GALNT2: variants seen among roughly 807,000 people sequenced by gnomAD.
GALNT2 encodes UDP-GalNAc:polypeptide N-acetylgalactosaminyltransferase 2.
Under a neutral mutation model 81.4 loss-of-function variants are expected in GALNT2, and 31 were observed. The observed-to-expected ratio is 0.38, with a 90% confidence interval of 0.29 to 0.51. The LOEUF (loss-of-function observed/expected upper bound fraction) is 0.51, where lower values mean the gene tolerates loss of function less well. GALNT2 is among the 20% of genes least tolerant of loss of function. The pLI is 0.87. For missense variants in GALNT2, 629 were observed against 765.7 expected, an observed-to-expected ratio of 0.82 and a Z score of 2.11; for synonymous variants, 303 against 287.4, an observed-to-expected ratio of 1.05 and a Z score of -0.55.
intron 1 of GALNT2, among the ~76,000 whole-genome samples, chr1:230,086,191 G>A (rs192345736): frequency 2.7e-4 from 41 of 152,316 alleles, no homozygotes; most frequent in African/African-American, 9.9e-4. Flanking sequence ...TGGCGAGTTT[G>A]TAGGTAGAGA....
intron 1 of GALNT2, among the ~76,000 whole-genome samples, chr1:230,062,157 G>A (rs1417396968): frequency 6.6e-6 from 1 of 152,140 alleles, no homozygotes; most frequent in Non-Finnish European, 1.5e-5. Context: ...TCTATTAAGA[G>A]CAAAGTTTAA....
chr1:230,174,421 C>G (rs1193774662), intron 1 of GALNT2, among the ~76,000 whole-genome samples: 1 of 152,190 alleles, frequency 6.6e-6, no homozygotes, highest in East Asian at 1.9e-4. Flanking sequence ...CATCTGTTTG[C>G]AGATGCCTCC....
chr1:230,140,840 A>AT (rs1461901166), intron 1 of GALNT2, among the ~76,000 whole-genome samples: 1 of 152,250 alleles, frequency 6.6e-6, no homozygotes, highest in Non-Finnish European at 1.5e-5. Context: ...AGTATATGCC[A>AT]TTATACAACC....
chr1:230,151,115 G>T (rs1662082273), intron 1 of GALNT2, among the ~76,000 whole-genome samples: 1 of 152,194 alleles, frequency 6.6e-6, no homozygotes. Context: ...ATCTTGTGTG[G>T]TGTCCTGGGT....
chr1:230,089,039 T>TA (rs1659980485), intron 1 of GALNT2, among the ~76,000 whole-genome samples: 1 of 152,308 alleles, frequency 6.6e-6, no homozygotes, highest in African/African-American at 2.4e-5. Context: ...CCACTTGCCA[T>TA]AGTTTTTGAG....
At chr1:230,108,712 T>C (rs1367895462) in intron 1 of GALNT2, among the ~76,000 whole-genome samples, 1 of 152,232 alleles carries the variant, frequency 6.6e-6, no homozygotes, top group Non-Finnish European at 1.5e-5. Flanking sequence ...TAGCCTGCAA[T>C]TGGGCAAGTC....
At chr1:230,123,223 A>G (rs1661074277) in intron 1 of GALNT2, among the ~76,000 whole-genome samples, 1 of 152,206 alleles carries the variant, frequency 6.6e-6, no homozygotes, top group Admixed American at 6.5e-5. Flanking sequence ...ACCAAGAACA[A>G]AATTTCCAAG....
intron 1 of GALNT2, among the ~76,000 whole-genome samples, chr1:230,091,075 C>T (rs546775916): frequency 6.6e-6 from 1 of 151,534 alleles, no homozygotes; most frequent in East Asian, 1.9e-4. Context: ...TTGTTTCTTT[C>T]TTTCTTTTTT....
intron 1 of GALNT2, among the ~76,000 whole-genome samples, chr1:230,168,709 AG>A (rs1315654366): frequency 1.3e-5 from 2 of 152,160 alleles, no homozygotes; most frequent in Non-Finnish European, 2.9e-5. Flanking sequence ...TTTCTAGAAC[AG>A]TTTTAGACTT....
At position 230,262,661 on chromosome 1, in the gene GALNT2, G is replaced by A; in HGVS notation, c.1225G>A (p.Gly409Arg). 6.2e-7 allele frequency: 1 copy of A among 1,611,276 alleles called. No homozygotes were observed. The highest frequency in any genetic ancestry group is 8.5e-7 in the Non-Finnish European group (1 of 1,177,552). The change falls in exon 12 of 16, where the codon GGA (glycine) becomes AGA (arginine). Residue 409 changes from glycine (G) to arginine (R), a missense_variant. Around this residue, in one of 3 missense-constraint regions of GALNT2, gnomAD observed 207 missense variants for 225.5 expected, o/e 0.92. Transcript: ENST00000366672. ...AVPSARNVPY[G>R]NIQSRLELRK... ...GCCTTCTGCTAGAAACGTTCCTTAT[G>A]GAAAGTAAGTGGCAGTTCTGCCTTC...
At chr1:230,203,381 T>C (rs1663967928) in intron 3 of GALNT2, 91 bp downstream of exon 3, 10 of 1,414,052 alleles carry the variant, frequency 7.1e-6, no homozygotes, top group South Asian at 1.3e-5. Flanking sequence ...AACTTCTCCA[T>C]TACTCTGGGA....
chr1:230,185,351 TG>T lies in GALNT2; in HGVS notation c.220+7041del, dbSNP rs561067353. ...CCTCTTAGTGTGCCTTGTAATTTTA[TG>T]TTGAAAGCTGGATGTGATGGACTTG... On this transcript the variant is annotated intron_variant, in intron 2 of 15. Coordinates refer to ENST00000366672, the MANE Select transcript of GALNT2 (RefSeq NM_004481.5). 4.3e-3 allele frequency among the ~76,000 whole-genome samples: 653 copies of T among 152,034 alleles called. 2 individuals are homozygous for T. Among genetic ancestry groups the T allele is most frequent in the Non-Finnish European group, 6.7e-3 (453 of 67,974 alleles).
At chr1:230,214,115 C>CTTT (rs60360198) in intron 3 of GALNT2, among the ~76,000 whole-genome samples, 6 of 145,220 alleles carry the variant, frequency 4.1e-5, no homozygotes, top group Non-Finnish European at 4.5e-5. Context: ...CTTAACTTTA[C>CTTT]TTTTTTTTTT....
chr1:230,231,406 G>T (rs991428025), intron 3 of GALNT2, among the ~76,000 whole-genome samples: 1 of 152,196 alleles, frequency 6.6e-6, no homozygotes, highest in Non-Finnish European at 1.5e-5. Flanking sequence ...TGGGGTGAGG[G>T]TGGGGCATGG....
intron 2 of GALNT2, among the ~76,000 whole-genome samples, chr1:230,192,192 C>T (rs1013143102): frequency 2.0e-5 from 3 of 152,170 alleles, no homozygotes; most frequent in Non-Finnish European, 4.4e-5. Context: ...AGTGAGTTGT[C>T]GGGTGCAGTG....
chr1:230,248,407 C>G (rs1258616583), intron 8 of GALNT2, among the ~76,000 whole-genome samples: 1 of 152,128 alleles, frequency 6.6e-6, no homozygotes, highest in Non-Finnish European at 1.5e-5. Context: ...GAAGTGGCCT[C>G]CTGATGCACC....
At chr1:230,184,119 T>C (rs2102690400) in intron 2 of GALNT2, among the ~76,000 whole-genome samples, 1 of 152,250 alleles carries the variant, frequency 6.6e-6, no homozygotes, top group East Asian at 1.9e-4. Flanking sequence ...GCAAGGCAGG[T>C]CTACTGGCAA....
chr1:230,181,558 C>CTT (rs1245134286), intron 2 of GALNT2, among the ~76,000 whole-genome samples: 3 of 143,160 alleles, frequency 2.1e-5, no homozygotes, highest in African/African-American at 2.5e-5. Context: ...CTTTCGTTTC[C>CTT]TTTTTTTTTT....
chr1:230,095,406 C>T (rs1239784398), intron 1 of GALNT2, among the ~76,000 whole-genome samples: 1 of 152,170 alleles, frequency 6.6e-6, no homozygotes, highest in Admixed American at 6.5e-5. Context: ...GGTTGAGTTG[C>T]CGGCAGTCTC....
Sources: gnomAD v4.1 joint callset for allele counts (sites outside exome capture counted in the v4.1 genomes callset) on GRCh38, gnomAD v4.1.1 for gene constraint, gnomAD v4.1.1 regional missense constraint, MANE v1.5 for transcripts, NCBI Gene and HGNC (gene_info 2026-07-23, HGNC 2026-07-21) for gene names.